Variants in MOK observed in about 807,000 individuals in gnomAD.
The protein encoded by MOK is MAPK/MAK/MRK overlapping kinase.
In MOK, 59 loss-of-function variants were observed where a neutral mutation model predicts 54.2. The ratio of observed to expected loss-of-function variants is 1.09; its 90% confidence interval spans 0.88 to 1.35. MOK has a LOEUF of 1.35. Among genes scored for constraint, MOK ranks in the 40% most tolerant of loss-of-function variants. MOK has a pLI of 0.00. For synonymous variants in MOK, 210 were observed against 202.7 expected (o/e 1.04, Z -0.31); for missense variants, 517 against 526.2 (o/e 0.98, Z 0.17).
At chr14:102,281,536 C>T (rs1325737231) in intron 2 of MOK, among the ~76,000 whole-genome samples, 5 of 149,682 alleles carry the variant, frequency 3.3e-5, no homozygotes, top group African/African-American at 1.2e-4. Flanking sequence ...AAGCATCACA[C>T]CCTACTGTTC....
At chr14:102,244,084 A>G (rs1008395350) in intron 7 of MOK, among the ~76,000 whole-genome samples, 1 of 152,220 alleles carries the variant, frequency 6.6e-6, no homozygotes, top group Non-Finnish European at 1.5e-5. Context: ...GTCCTCCATC[A>G]TTAATGCCTC....
downstream of MOK, among the ~76,000 whole-genome samples, chr14:102,219,592 C>T (rs1375387795): frequency 6.6e-6 from 1 of 152,188 alleles, no homozygotes; most frequent in Non-Finnish European, 1.5e-5. Flanking sequence ...TAGAGACCAC[C>T]GTTTTCCCCT....
intron 1 of MOK, among the ~76,000 whole-genome samples, chr14:102,294,208 A>G (rs753478859): frequency 6.6e-6 from 1 of 151,208 alleles, no homozygotes; most frequent in South Asian, 2.1e-4. Flanking sequence ...GCACTTTGGG[A>G]GGCCAAGGCG....
intron 2 of MOK, among the ~76,000 whole-genome samples, chr14:102,274,221 T>G (rs2153154932): frequency 6.6e-6 from 1 of 151,014 alleles, no homozygotes; most frequent in Non-Finnish European, 1.5e-5. Flanking sequence ...CCTCCCAAAG[T>G]GCTGGGATTA....
In MOK at chr14:102,231,952, A is replaced by T. The variant is rs2064766968; in HGVS notation, c.867-131T>A. On this transcript the variant is annotated intron_variant, in intron 9 of 11. Coordinates refer to ENST00000361847, the MANE Select transcript of MOK (RefSeq NM_014226.3). This position sits in a 1 kb window ranked among gnomAD's most constrained non-coding sequence, Gnocchi z 4.4. ...AGCTCTTCTTTTCTGCCTGAGCTGTAATCAGGAGCCTTTTTTTTTCTTTTC... is the reference window on the plus strand; with the variant it reads ...AGCTCTTCTTTTCTGCCTGAGCTGTTATCAGGAGCCTTTTTTTTTCTTTTC... 2 of 660,880 alleles carry T rather than the reference A, an allele frequency of 3.0e-6. No individual in the cohort carries two copies. Among genetic ancestry groups the T allele is most frequent in the Admixed American group, 3.0e-5 (1 of 33,282 alleles). 40.9% of individuals were successfully genotyped at this position (660,880 alleles called of 1,614,324 possible).
intron 7 of MOK, chr14:102,247,331 CAT>C (rs1163689408): frequency 6.6e-6 from 1 of 152,240 alleles, no homozygotes; most frequent in Non-Finnish European, 1.5e-5. Context: ...CAAGCCAAGG[CAT>C]ACTTTTCCTA....
At chr14:102,215,440 C>T in the MOK span, among the ~76,000 whole-genome samples, 2 of 152,106 alleles carry the variant, frequency 1.3e-5, no homozygotes, top group Non-Finnish European at 2.9e-5. Context: ...GAGAAGGTAG[C>T]GGCTGGTAGG....
intron 4 of MOK, among the ~76,000 whole-genome samples, chr14:102,254,244 T>A (rs2066754638): frequency 6.6e-6 from 1 of 152,210 alleles, no homozygotes; most frequent in South Asian, 2.1e-4. Flanking sequence ...CGCCTCGGCC[T>A]CCCGAAGTGC....
At chr14:102,246,621 A>G (rs1231439521) in intron 7 of MOK, among the ~76,000 whole-genome samples, 2 of 152,118 alleles carry the variant, frequency 1.3e-5, no homozygotes, top group Non-Finnish European at 2.9e-5. Flanking sequence ...CAAGTAAGCT[A>G]CCATCCTGAA....
At chr14:102,239,479 C>T (rs1042093760) in intron 7 of MOK, among the ~76,000 whole-genome samples, 5 of 128,338 alleles carry the variant, frequency 3.9e-5, no homozygotes, top group African/African-American at 7.6e-5. Context: ...CTCCCTCATC[C>T]GCCATCTCCT....
At chr14:102,293,362 A>G (rs544216660) in intron 1 of MOK, among the ~76,000 whole-genome samples, 1 of 152,310 alleles carries the variant, frequency 6.6e-6, no homozygotes, top group South Asian at 2.1e-4. Flanking sequence ...GTTAAGTGAA[A>G]AAAAGGATGA....
intron 7 of MOK, among the ~76,000 whole-genome samples, chr14:102,241,906 C>T (rs572740372): frequency 5.3e-5 from 8 of 152,352 alleles, no homozygotes; most frequent in South Asian, 2.1e-4. Flanking sequence ...TTACTTCTAG[C>T]GCCGGAAATC....
At chr14:102,251,091 A>G in intron 6 of MOK, 101 bp from the exon 7 acceptor site, 1 of 1,272,504 alleles carries the variant, frequency 7.9e-7, no homozygotes, top group Non-Finnish European at 1.1e-6. Flanking sequence ...AATTACTAGC[A>G]TCTAAAGTAG....
intron 8 of MOK, chr14:102,233,477 A>G (rs1476241202): frequency 5.6e-6 from 3 of 538,794 alleles, no homozygotes; most frequent in Admixed American, 6.7e-5. Flanking sequence ...TCTTTCTGTG[A>G]TGCTCAAGGA....
Position 102,229,113 on chromosome 14 carries a change from C to G in MOK, c.*176G>C. On this transcript the variant is annotated 3_prime_UTR_variant, in exon 12 of 12. Transcript: ENST00000361847. ...GTATATTAGCCCAGAACATCCTAGG[C>G]AGCTGCGCGGGCCGCGGGTGCGGCA... 3 of 616,254 alleles carry G rather than the reference C, an allele frequency of 4.9e-6. No homozygotes were observed. Among genetic ancestry groups the G allele is most frequent in the Non-Finnish European group, 8.3e-6 (3 of 361,824 alleles). 38.2% of individuals were successfully genotyped at this position (616,254 alleles called of 1,614,324 possible). A position where few individuals can be genotyped will look rare whatever the true frequency, so the allele number is the denominator to read the frequency against.
intron 2 of MOK, among the ~76,000 whole-genome samples, chr14:102,269,835 A>T (rs2068212741): frequency 6.6e-6 from 1 of 152,208 alleles, no homozygotes; most frequent in African/African-American, 2.4e-5. Flanking sequence ...AGAGATGAAG[A>T]TTTTAACACC....
intron 1 of MOK, among the ~76,000 whole-genome samples, chr14:102,291,535 C>T (rs1311875648): frequency 1.3e-5 from 2 of 152,156 alleles, no homozygotes; most frequent in Non-Finnish European, 2.9e-5. Context: ...TGCTAAAACA[C>T]CACCAAAATT....
rs576469843 is a variant in MOK, at chr14:102,229,194, C to T, written c.*95G>A. ...AGCGCGAAACGGACGCAGGCGCATC[C>T]CCAGCCCTCCGTGGCGTCTCAGCAG... On this transcript the variant is annotated 3_prime_UTR_variant, in exon 12 of 12. Transcript: ENST00000361847. 2 of 1,338,868 alleles carry T rather than the reference C, an allele frequency of 1.5e-6. No individual in the cohort carries two copies. The highest frequency in any genetic ancestry group is 1.5e-5 in the African/African-American group (1 of 68,112). 82.9% of individuals were successfully genotyped at this position (1,338,868 alleles called of 1,614,324 possible). A position where few individuals can be genotyped will look rare whatever the true frequency, so the allele number is the denominator to read the frequency against.
intron 7 of MOK, among the ~76,000 whole-genome samples, chr14:102,248,033 A>C (rs1597351190): frequency 6.6e-6 from 1 of 152,202 alleles, no homozygotes; most frequent in East Asian, 1.9e-4. Context: ...CAAGAATACC[A>C]ACAGCTCCAA....
Sources: gnomAD v4.1 joint callset for allele counts (sites outside exome capture counted in the v4.1 genomes callset) on GRCh38, gnomAD v4.1.1 for gene constraint, Gnocchi (gnomAD v3.1) non-coding constraint, MANE v1.5 for transcripts, NCBI Gene and HGNC (gene_info 2026-07-23, HGNC 2026-07-21) for gene names.